The following HCN1 variants were observed in gnomAD, a reference collection of about 807,000 sequenced individuals.
The protein encoded by HCN1 is potassium/sodium hyperpolarization-activated cyclic nucleotide-gated channel 1.
A neutral mutation model predicts 78.9 loss-of-function variants in HCN1; 13 were observed. The ratio of observed to expected loss-of-function variants is 0.16; its 90% CI spans 0.11 to 0.26. The LOEUF (loss-of-function observed/expected upper bound fraction) is 0.26. HCN1 is among the 10% of genes least tolerant of loss of function. The probability of loss-of-function intolerance (pLI) is 1.00; values close to 1 mark genes in which losing one functional copy is unlikely to be tolerated. For synonymous variants in HCN1, 552 were observed against 455.5 expected (o/e 1.21, Z -2.70); for missense variants, 810 against 1,154.3 (o/e 0.70, Z 4.32).
chr5:45,559,403 C>T (rs1262346229), intron 2 of HCN1: 6 of 152,140 alleles, frequency 3.9e-5, no homozygotes, highest in African/African-American at 7.2e-5. Flanking sequence ...AATTCACCAT[C>T]CAAGATGTCA....
In HCN1 at chr5:45,262,008, T is replaced by C. The variant is rs201756402; in HGVS notation, c.2586A>G (p.Pro862=). 8.7e-6 allele frequency: 14 copies of C among 1,613,966 alleles called. No homozygotes were observed. In the East Asian group the frequency reaches 3.1e-4, roughly 36 times the overall value. ...ATTCTCTTGGAAGAGCAGCTGCTGG[T>C]GGAGGGGGTGCTGGAGGGACTCCTC... The part of the protein sequence containing the change: ...PNRGVPPAPP[P]PAAALPRESS... The change falls in exon 8 of 8, where the codon CCA becomes CCG. Residue 862 remains proline, a synonymous_variant. Transcript: ENST00000303230.
Position 45,621,290 on chromosome 5 carries a change from T to G in HCN1, c.849+23895A>C, listed in dbSNP as rs545958583. Among the ~76,000 whole-genome samples the G allele has an allele frequency of 6.6e-5, 10 of 152,026 alleles. No individual in the cohort carries two copies. In the South Asian group the frequency reaches 2.1e-3, roughly 32 times the overall value. Reference sequence around the variant, plus strand: ...CACACTTCCAATTTCTGAAAATTCTTGTTAGGTAATTCTCATAATTGTTCC... The same window carrying G: ...CACACTTCCAATTTCTGAAAATTCTGGTTAGGTAATTCTCATAATTGTTCC... On this transcript the variant is annotated intron_variant, in intron 2 of 7. Transcript: ENST00000303230.
In HCN1 at chr5:45,461,753, T is replaced by C. The variant is rs187061510; in HGVS notation, c.1011+93A>G. On this transcript the variant is annotated intron_variant, in intron 3 of 7. Transcript: ENST00000303230. Reference sequence around the variant, plus strand: ...AAATCAAGTTGTCTGTAAACATTTATAGAGAAGAAATCAGATCATTGTAAC... The same window carrying C: ...AAATCAAGTTGTCTGTAAACATTTACAGAGAAGAAATCAGATCATTGTAAC... 100 of 1,142,494 alleles carry C rather than the reference T, an allele frequency of 8.8e-5. No individual in the cohort carries two copies. In the East Asian group the frequency reaches 1.1e-3, roughly 12 times the overall value. The allele number at this position is 1,142,494 out of a possible 1,614,324, so 70.8% of individuals were successfully genotyped here.
At chr5:45,626,978 A>T (rs935540017) in intron 2 of HCN1, among the ~76,000 whole-genome samples, 2 of 151,546 alleles carry the variant, frequency 1.3e-5, no homozygotes, top group Non-Finnish European at 2.9e-5. Flanking sequence ...CCATATATAT[A>T]TGTATATATA....
At chr5:45,583,031 T>C (rs1292057377) in intron 2 of HCN1, among the ~76,000 whole-genome samples, 1 of 152,160 alleles carries the variant, frequency 6.6e-6, no homozygotes, top group Non-Finnish European at 1.5e-5. Context: ...AGGATGATGT[T>C]GGCCTCATAA....
At chr5:45,521,874 T>A (rs540258144) in intron 2 of HCN1, among the ~76,000 whole-genome samples, 1 of 152,048 alleles carries the variant, frequency 6.6e-6, no homozygotes, top group Non-Finnish European at 1.5e-5. Flanking sequence ...GGAATTATTA[T>A]GTTTGGTAGA....
intron 3 of HCN1, among the ~76,000 whole-genome samples, chr5:45,411,696 T>C (rs1181824570): frequency 6.6e-6 from 1 of 152,102 alleles, no homozygotes; most frequent in Non-Finnish European, 1.5e-5. Flanking sequence ...ATAATCCATT[T>C]ATGAGATTTC....
At chr5:45,641,258 T>A (rs1345655900) in intron 2 of HCN1, among the ~76,000 whole-genome samples, 1 of 152,216 alleles carries the variant, frequency 6.6e-6, no homozygotes, top group Non-Finnish European at 1.5e-5. Flanking sequence ...ATTTGAATGC[T>A]AAAATTAACC....
intron 2 of HCN1, among the ~76,000 whole-genome samples, chr5:45,518,525 T>C (rs564410803): frequency 6.6e-6 from 1 of 151,994 alleles, no homozygotes; most frequent in South Asian, 2.1e-4. Context: ...ATAAGCAGGT[T>C]ATATTGAGAG....
chr5:45,344,228 T>A (rs1746649888), intron 5 of HCN1, among the ~76,000 whole-genome samples: 3 of 152,020 alleles, frequency 2.0e-5, no homozygotes. Context: ...AGCATGCGGG[T>A]AACTGCCCCA....
chr5:45,320,533 A>C lies in HCN1; in HGVS notation c.1378-16694T>G, dbSNP rs190117931. On this transcript the variant is annotated intron_variant, in intron 5 of 7. Transcript: ENST00000303230. ...ATGTCTTAGGTAGTATTACTGCCCCATTTTGTAGATGTTATATAGTCTGCC... is the reference window on the plus strand; with the variant it reads ...ATGTCTTAGGTAGTATTACTGCCCCCTTTTGTAGATGTTATATAGTCTGCC... Among the ~76,000 whole-genome samples, 95 of 151,910 alleles carry C rather than the reference A, an allele frequency of 6.3e-4. No individual in the cohort carries two copies. In the East Asian group the frequency reaches 0.011, roughly 18 times the overall value.
intron 3 of HCN1, among the ~76,000 whole-genome samples, chr5:45,418,163 GT>G (rs1057113442): frequency 3.4e-4 from 51 of 151,676 alleles, no homozygotes; most frequent in African/African-American, 1.2e-3. Flanking sequence ...ATGCATTTTC[GT>G]TATTTATCTT....
At chr5:45,305,634 T>C (rs988697181) in intron 5 of HCN1, among the ~76,000 whole-genome samples, 6 of 149,058 alleles carry the variant, frequency 4.0e-5, no homozygotes, top group Non-Finnish European at 8.9e-5. Flanking sequence ...TGAATCAATA[T>C]GCATGCATAT....
Position 45,378,683 on chromosome 5 carries a change from C to T in HCN1, c.1230+17809G>A, listed in dbSNP as rs184828509. 6.6e-4 allele frequency among the ~76,000 whole-genome samples: 101 copies of T among 152,058 alleles called. 1 individual carries two copies. In the East Asian group the frequency reaches 0.012, roughly 18 times the overall value. ...ACATGTGCACAACGTGCAGGTTTGT[C>T]ACATATGTATACATGTGCCATGTTG... is the stretch of plus-strand genomic sequence containing the variant. On this transcript the variant is annotated intron_variant, in intron 4 of 7. Coordinates refer to ENST00000303230, the MANE Select transcript of HCN1 (RefSeq NM_021072.4).
intron 2 of HCN1, among the ~76,000 whole-genome samples, chr5:45,639,706 T>G (rs1219689669): frequency 6.6e-6 from 1 of 152,192 alleles, no homozygotes; most frequent in African/African-American, 2.4e-5. Context: ...GATAAACCTT[T>G]TTTTAGCTAT....
intron 2 of HCN1, among the ~76,000 whole-genome samples, chr5:45,636,439 A>T (rs972879934): frequency 5.3e-5 from 8 of 152,186 alleles, no homozygotes; most frequent in Non-Finnish European, 1.2e-4. Flanking sequence ...GAAAGGAAAA[A>T]CTAAGACATC....
chr5:45,262,215 C>T lies in HCN1; in HGVS notation c.2379G>A (p.Leu793=), dbSNP rs1579762540. ...VRPLSASQPS[L]PHEVSTLISR... ...AAATCAGAGTGGACACCTCATGGGG[C>T]AGCGAGGGCTGCGAGGCGGAGAGTG... The change falls in exon 8 of 8, where the codon CTG becomes CTA. Residue 793 remains leucine, a synonymous_variant. Coordinates refer to ENST00000303230, the MANE Select transcript of HCN1 (RefSeq NM_021072.4). The T allele has an allele frequency of 1.2e-6, 2 of 1,613,906 alleles. No homozygotes were observed. The highest frequency in any genetic ancestry group is 2.7e-5 in the African/African-American group (2 of 74,932).
At chr5:45,377,597 G>C (rs932687944) in intron 4 of HCN1, among the ~76,000 whole-genome samples, 6 of 151,848 alleles carry the variant, frequency 4.0e-5, no homozygotes, top group Middle Eastern at 3.2e-3. Flanking sequence ...TTAAAAAAAA[G>C]TGATGTATTT....
intron 2 of HCN1, among the ~76,000 whole-genome samples, chr5:45,632,039 C>A (rs1013124429): frequency 6.6e-6 from 1 of 152,062 alleles, no homozygotes; most frequent in Non-Finnish European, 1.5e-5. Context: ...TGAATTTAGT[C>A]ATCTCCTTAA....
Sources: gnomAD v4.1 joint callset for allele counts (sites outside exome capture counted in the v4.1 genomes callset) on GRCh38, gnomAD v4.1.1 for gene constraint, MANE v1.5 for transcripts, NCBI Gene and HGNC (gene_info 2026-07-23, HGNC 2026-07-21) for gene names.